Variants in SNX7 observed in about 807,000 individuals in gnomAD.
SNX7 encodes sorting nexin 7.
In SNX7, 35 loss-of-function variants were observed where a neutral mutation model predicts 48.4. The observed-to-expected ratio is 0.72, with a 90% CI of 0.55 to 0.96. SNX7 has a LOEUF of 0.96. SNX7 is among the 40% of genes least tolerant of loss of function. The probability of loss-of-function intolerance (pLI) is 0.00; values close to 1 mark genes in which losing one functional copy is unlikely to be tolerated. For synonymous variants in SNX7, 190 were observed against 190.2 expected (o/e 1.00, Z 0.01); for missense variants, 553 against 548.9 (o/e 1.01, Z -0.07).
At chr1:98,732,037 G>A (rs1330098935) in intron 7 of SNX7, among the ~76,000 whole-genome samples, 1 of 151,970 alleles carries the variant, frequency 6.6e-6, no homozygotes, top group South Asian at 2.1e-4. Flanking sequence ...TTTAAGATGG[G>A]GTTACCGTTT....
At chr1:98,723,587 G>A (rs1402758476) in intron 7 of SNX7, among the ~76,000 whole-genome samples, 1 of 151,748 alleles carries the variant, frequency 6.6e-6, no homozygotes, top group Non-Finnish European at 1.5e-5. Context: ...ATTCTAGGTC[G>A]GGTGCAGTGG....
At chr1:98,719,070 G>T (rs1158794160) in intron 7 of SNX7, among the ~76,000 whole-genome samples, 1 of 152,080 alleles carries the variant, frequency 6.6e-6, no homozygotes, top group Non-Finnish European at 1.5e-5. Flanking sequence ...AAATCGGAGG[G>T]TATTTAATTT....
At chr1:98,718,386 CAG>C (rs1026466350) in intron 7 of SNX7, among the ~76,000 whole-genome samples, 4 of 152,040 alleles carry the variant, frequency 2.6e-5, no homozygotes, top group Admixed American at 6.6e-5. Flanking sequence ...AAAAGGAACT[CAG>C]AGTCTCCATT....
At chr1:98,662,013 C>A (rs1649256025) in intron 1 of SNX7, 102 bp downstream of exon 1, 2 of 1,180,708 alleles carry the variant, frequency 1.7e-6, no homozygotes, top group South Asian at 4.4e-5. Flanking sequence ...CCTCCCGGGG[C>A]GGTGGCTCTG....
intron 8 of SNX7, among the ~76,000 whole-genome samples, chr1:98,739,011 C>T (rs906127890): frequency 6.6e-6 from 1 of 151,976 alleles, no homozygotes; most frequent in Non-Finnish European, 1.5e-5. Flanking sequence ...TGTCTTACAG[C>T]AGTGGTCCCC....
chr1:98,667,349 A>G (rs1649590043), intron 1 of SNX7, among the ~76,000 whole-genome samples: 1 of 152,160 alleles, frequency 6.6e-6, no homozygotes, highest in South Asian at 2.1e-4. Flanking sequence ...CCATTAAGAT[A>G]TAAGCTTAGT....
chr1:98,723,629 G>A (rs560581503), intron 7 of SNX7, among the ~76,000 whole-genome samples: 52 of 152,072 alleles, frequency 3.4e-4, no homozygotes, highest in African/African-American at 1.1e-3. Flanking sequence ...CTAGGTGGGC[G>A]GATCACCTGA....
At chr1:98,727,571 G>A (rs1017746041) in intron 7 of SNX7, among the ~76,000 whole-genome samples, 11 of 152,018 alleles carry the variant, frequency 7.2e-5, no homozygotes, top group Admixed American at 3.3e-4. Flanking sequence ...GGGTAATAAC[G>A]AACTCAACTG....
In SNX7 at chr1:98,760,342, A is replaced by G; in HGVS notation, c.*211A>G. On this transcript the variant is annotated 3_prime_UTR_variant, in exon 9 of 9. Coordinates refer to ENST00000306121, the MANE Select transcript of SNX7 (RefSeq NM_015976.5). Reference sequence around the variant, plus strand: ...TGGATATATATCTATATGTATATAGATATATAAATACAGAGAGATATCTGG... The same window carrying G: ...TGGATATATATCTATATGTATATAGGTATATAAATACAGAGAGATATCTGG... 1 of 404,666 alleles carries G rather than the reference A, an allele frequency of 2.5e-6. No homozygotes were observed. The highest frequency in any genetic ancestry group is 4.4e-6 in the Non-Finnish European group (1 of 225,594). The allele number at this position is 404,666 out of a possible 1,614,324, so 25.1% of individuals were successfully genotyped here. A position where few individuals can be genotyped will look rare whatever the true frequency, so the allele number is the denominator to read the frequency against.
chr1:98,685,414 G>A (rs962505725), intron 2 of SNX7, among the ~76,000 whole-genome samples: 7 of 152,046 alleles, frequency 4.6e-5, no homozygotes, highest in African/African-American at 1.4e-4. Flanking sequence ...TAAACAGTTC[G>A]CAATATTATG....
chr1:98,693,141 G>T lies in SNX7; in HGVS notation c.639+1442G>T, dbSNP rs76259728. 5.3e-3 allele frequency among the ~76,000 whole-genome samples: 807 copies of T among 151,182 alleles called. 6 individuals carry two copies. Among genetic ancestry groups the T allele is most frequent in the African/African-American group, 0.019 (765 of 41,126 alleles). On this transcript the variant is annotated intron_variant, in intron 4 of 8. Coordinates refer to ENST00000306121, the MANE Select transcript of SNX7 (RefSeq NM_015976.5). ...CAGGGCTTTTTAAGTTAGGATAAAA[G>T]TCCTTATTAAATGGGTAGATGGATG...
At chr1:98,756,049 T>C (rs1248700325) in intron 8 of SNX7, among the ~76,000 whole-genome samples, 1 of 151,976 alleles carries the variant, frequency 6.6e-6, no homozygotes, top group Non-Finnish European at 1.5e-5. Context: ...TCATTTTACA[T>C]CTCTTTGTGG....
At chr1:98,748,723 A>T (rs1244986220) in intron 8 of SNX7, among the ~76,000 whole-genome samples, 1 of 151,708 alleles carries the variant, frequency 6.6e-6, no homozygotes, top group Non-Finnish European at 1.5e-5. Context: ...GAAAAAATTA[A>T]AGTTGGGTAC....
At chr1:98,757,656 A>G (rs570822697) in intron 8 of SNX7, among the ~76,000 whole-genome samples, 1 of 152,090 alleles carries the variant, frequency 6.6e-6, no homozygotes, top group East Asian at 1.9e-4. Context: ...ACCCCACCCC[A>G]GGGACCACTA....
At chr1:98,704,726 G>A (rs777887966) in intron 7 of SNX7, among the ~76,000 whole-genome samples, 6 of 152,116 alleles carry the variant, frequency 3.9e-5, no homozygotes, top group Non-Finnish European at 7.4e-5. Flanking sequence ...CTCAGACAGG[G>A]CCATTTTGGA....
chr1:98,725,853 A>G (rs4281340), intron 7 of SNX7, among the ~76,000 whole-genome samples: 43,857 of 152,028 alleles, frequency 0.29, 6,848 homozygotes, highest in Non-Finnish European at 0.34. Flanking sequence ...TCTGATTTGG[A>G]GAAGGGTCTT....
intron 1 of SNX7, among the ~76,000 whole-genome samples, chr1:98,684,233 T>C (rs1342577221): frequency 6.6e-6 from 1 of 152,216 alleles, no homozygotes; most frequent in Non-Finnish European, 1.5e-5. Flanking sequence ...CAAAAAGCAG[T>C]TGGCACATTT....
chr1:98,749,725 T>C (rs1157419733), intron 8 of SNX7, among the ~76,000 whole-genome samples: 1 of 152,092 alleles, frequency 6.6e-6, no homozygotes, highest in Non-Finnish European at 1.5e-5. Context: ...GTTTAGGAGA[T>C]TTAAAAAGTT....
chr1:98,681,112 A>G (rs1220887746), intron 1 of SNX7, among the ~76,000 whole-genome samples: 1 of 152,206 alleles, frequency 6.6e-6, no homozygotes, highest in East Asian at 1.9e-4. Flanking sequence ...GGTGAAAAGC[A>G]AGGAGGAGTA....
Sources: allele counts gnomAD v4.1 joint callset (sites outside exome capture counted in the v4.1 genomes callset), GRCh38; gene constraint gnomAD v4.1.1; transcripts MANE v1.5; gene names NCBI Gene and HGNC (gene_info 2026-07-23, HGNC 2026-07-21).